ARL8B: variants seen among roughly 807,000 people sequenced by gnomAD.
ARL8B encodes ADP-ribosylation factor-like protein 8B.
In ARL8B, 9 loss-of-function variants were observed where a neutral mutation model predicts 30.6. That is an observed-to-expected ratio of 0.29 (90% CI 0.18 to 0.51). The LOEUF (loss-of-function observed/expected upper bound fraction) is 0.51. Ranked by LOEUF, ARL8B falls within the 20% of genes least tolerant of loss-of-function variation. The pLI is 0.97. For synonymous variants in ARL8B, 74 were observed against 76.0 expected (o/e 0.97, Z 0.14); for missense variants, 130 against 227.2 (o/e 0.57, Z 2.75).
At chr3:5,131,393 A>C (rs984006115) in intron 1 of ARL8B, among the ~76,000 whole-genome samples, 2 of 128,336 alleles carry the variant, frequency 1.6e-5, no homozygotes, top group African/African-American at 3.5e-5. Context: ...AAAATTAAAA[A>C]ATTTTTTTTT....
intron 1 of ARL8B, among the ~76,000 whole-genome samples, chr3:5,158,132 T>C (rs2054548087): frequency 6.6e-6 from 1 of 152,070 alleles, no homozygotes; most frequent in Admixed American, 6.6e-5. Context: ...CTCACCACTT[T>C]GCCACCACTC....
chr3:5,126,362 C>G (rs2106551136), intron 1 of ARL8B, among the ~76,000 whole-genome samples: 1 of 152,252 alleles, frequency 6.6e-6, no homozygotes, highest in African/African-American at 2.4e-5. Flanking sequence ...ATGTGTCACT[C>G]TAGAAAGGTG....
intron 6 of ARL8B, 34 bp from the exon 7 acceptor site, chr3:5,178,630 C>G: frequency 6.3e-7 from 1 of 1,583,580 alleles, no homozygotes; most frequent in Non-Finnish European, 8.6e-7. Flanking sequence ...AGTTTTTTAA[C>G]TTTAATGTCT....
At chr3:5,152,640 C>T (rs1346564234) in intron 1 of ARL8B, among the ~76,000 whole-genome samples, 2 of 152,320 alleles carry the variant, frequency 1.3e-5, no homozygotes, top group East Asian at 3.9e-4. Flanking sequence ...CGCGTGCCGC[C>T]ACACCTAGCT....
chr3:5,174,138 C>T, intron 5 of ARL8B, 54 bp downstream of exon 5: 1 of 1,489,498 alleles, frequency 6.7e-7, no homozygotes, highest in Non-Finnish European at 9.3e-7. Flanking sequence ...CCATATTTTG[C>T]CCACTTGTTA....
At chr3:5,153,243 A>T (rs1292992746) in intron 1 of ARL8B, among the ~76,000 whole-genome samples, 1 of 152,164 alleles carries the variant, frequency 6.6e-6, no homozygotes, top group Non-Finnish European at 1.5e-5. Context: ...TCCCCACCCA[A>T]ATCTCCTCTT....
At chr3:5,167,646 C>G (rs900075274) in intron 1 of ARL8B, among the ~76,000 whole-genome samples, 1 of 152,162 alleles carries the variant, frequency 6.6e-6, no homozygotes, top group African/African-American at 2.4e-5. Context: ...CCTTGTTTTT[C>G]TCATCTGAGA....
chr3:5,148,167 C>G (rs1325771184), intron 1 of ARL8B, among the ~76,000 whole-genome samples: 2 of 152,000 alleles, frequency 1.3e-5, no homozygotes, highest in African/African-American at 4.8e-5. Context: ...GGTGTAAAAG[C>G]TGGGTCCTAC....
intron 1 of ARL8B, among the ~76,000 whole-genome samples, chr3:5,161,198 C>G (rs942945615): frequency 6.6e-6 from 1 of 152,206 alleles, no homozygotes; most frequent in African/African-American, 2.4e-5. Context: ...AGGCACTGTA[C>G]CAGCCTTTAC....
chr3:5,158,771 T>G (rs1484097785), intron 1 of ARL8B, among the ~76,000 whole-genome samples: 2 of 151,944 alleles, frequency 1.3e-5, no homozygotes, highest in Non-Finnish European at 2.9e-5. Context: ...TGACTACTGT[T>G]TTAGTAGGCT....
intron 1 of ARL8B, among the ~76,000 whole-genome samples, chr3:5,123,276 T>G (rs1434765207): frequency 1.3e-5 from 2 of 152,202 alleles, no homozygotes; most frequent in Admixed American, 1.3e-4. Context: ...TAAAGTTAAC[T>G]ACCCTGCGAA....
chr3:5,177,619 C>G (rs2133448), intron 6 of ARL8B, among the ~76,000 whole-genome samples: 1 of 152,028 alleles, frequency 6.6e-6, no homozygotes, highest in Admixed American at 6.6e-5. Flanking sequence ...CCGTGCTCGG[C>G]TAATTTTTGT....
At chr3:5,164,075 C>T (rs2054604022) in intron 1 of ARL8B, among the ~76,000 whole-genome samples, 1 of 152,166 alleles carries the variant, frequency 6.6e-6, no homozygotes, top group Non-Finnish European at 1.5e-5. Context: ...CGGCCCTGCA[C>T]ATATGAAAAG....
At chr3:5,126,064 A>T (rs2054227728) in intron 1 of ARL8B, among the ~76,000 whole-genome samples, 1 of 152,104 alleles carries the variant, frequency 6.6e-6, no homozygotes, top group South Asian at 2.1e-4. Context: ...TCTGGGCTGT[A>T]ATTGGCTGTG....
At chr3:5,139,261 G>A (rs2054352216) in intron 1 of ARL8B, among the ~76,000 whole-genome samples, 1 of 152,148 alleles carries the variant, frequency 6.6e-6, no homozygotes, top group Admixed American at 6.5e-5. Flanking sequence ...CAGGTGCCAT[G>A]GTTTGCTTCC....
chr3:5,133,165 T>G (rs2106554907), intron 1 of ARL8B, among the ~76,000 whole-genome samples: 1 of 152,148 alleles, frequency 6.6e-6, no homozygotes, highest in East Asian at 1.9e-4. Flanking sequence ...AAGAAATTTT[T>G]TTGTTGGTTT....
At chr3:5,162,767 T>C (rs1405251868) in intron 1 of ARL8B, among the ~76,000 whole-genome samples, 1 of 152,164 alleles carries the variant, frequency 6.6e-6, no homozygotes, top group Non-Finnish European at 1.5e-5. Context: ...CAAATGAATC[T>C]TTTATTTTTA....
At chr3:5,138,924 G>A (rs1483134649) in intron 1 of ARL8B, among the ~76,000 whole-genome samples, 2 of 152,100 alleles carry the variant, frequency 1.3e-5, no homozygotes, top group Admixed American at 6.6e-5. Flanking sequence ...TGGAGGAGCC[G>A]GTGAAAGAAT....
chr3:5,162,258 T>C (rs2054590439), intron 1 of ARL8B, among the ~76,000 whole-genome samples: 1 of 152,246 alleles, frequency 6.6e-6, no homozygotes, highest in African/African-American at 2.4e-5. Context: ...TGAAAGAGAA[T>C]GTCACTCATT....
Sources: gnomAD v4.1 joint callset for allele counts (sites outside exome capture counted in the v4.1 genomes callset) on GRCh38, gnomAD v4.1.1 for gene constraint, MANE v1.5 for transcripts, NCBI Gene and HGNC (gene_info 2026-07-23, HGNC 2026-07-21) for gene names.